The following LPIN2 variants were observed in gnomAD, a reference collection of about 807,000 sequenced individuals.
LPIN2 encodes the protein lipin 2, also known as phosphatidate phosphatase LPIN2.
LPIN2 carries 55 observed loss-of-function variants against 111.4 expected under a neutral mutation model. The observed-to-expected ratio is 0.49, with a 90% CI of 0.40 to 0.62. The LOEUF (loss-of-function observed/expected upper bound fraction) is 0.62, where lower values mean the gene tolerates loss of function less well. LPIN2 is among the 20% of genes least tolerant of loss of function. The pLI, the probability that LPIN2 is intolerant of heterozygous loss-of-function variation, is 0.00. For missense variants in LPIN2, 992 were observed against 1,112.1 expected (o/e 0.89, Z 1.54); for synonymous variants, 425 against 414.0 (o/e 1.03, Z -0.32).
At chr18:3,011,514 C>G (rs946151719) in intron 1 of LPIN2, among the ~76,000 whole-genome samples, 6 of 152,032 alleles carry the variant, frequency 3.9e-5, no homozygotes, top group African/African-American at 1.4e-4. Flanking sequence ...GTGAAACCCC[C>G]GGTCTCTAAT....
rs750622541 is a variant in LPIN2 at position 2,946,533 on chromosome 18, C to T, written c.590+4522G>A. 1.9e-5 allele frequency: 29 copies of T among 1,548,282 alleles called. No individual in the cohort carries two copies. The East Asian group carries it at 6.1e-4, about 32-fold the overall frequency. On this transcript the variant is annotated intron_variant, in intron 4 of 19. Coordinates refer to ENST00000677752, the MANE Select transcript of LPIN2 (RefSeq NM_001375808.2). Reference sequence around the variant, plus strand: ...CAGCTCCGGTTGTAGCACAGCAAGGCCATTTTTTTTCCCACTGTCACAGGC... The same window carrying T: ...CAGCTCCGGTTGTAGCACAGCAAGGTCATTTTTTTTCCCACTGTCACAGGC...
intron 2 of LPIN2, among the ~76,000 whole-genome samples, chr18:2,958,004 T>G (rs1421025612): frequency 6.6e-6 from 1 of 150,754 alleles, no homozygotes; most frequent in Non-Finnish European, 1.5e-5. Context: ...CAGCCAGGCG[T>G]GGTAGCACGC....
chr18:2,998,944 T>C (rs1251787162), intron 1 of LPIN2, among the ~76,000 whole-genome samples: 1 of 152,226 alleles, frequency 6.6e-6, no homozygotes, highest in Admixed American at 6.5e-5. Flanking sequence ...TTCAGGAACA[T>C]GCAGAAATTT....
At chr18:2,970,615 T>C (rs924954709) in intron 1 of LPIN2, among the ~76,000 whole-genome samples, 8 of 152,250 alleles carry the variant, frequency 5.3e-5, no homozygotes, top group African/African-American at 1.9e-4. Context: ...AGATCCTGAC[T>C]GGATAAAGCC....
chr18:2,920,230 C>G lies in LPIN2; in HGVS notation c.*63G>C. ...CTGGTATCTGAGGTCAGCAGAAGAG[C>G]CAGCTGCCTTCCCTTGCTGTGGGGA... On this transcript the variant is annotated 3_prime_UTR_variant, in exon 20 of 20. Coordinates refer to ENST00000677752, the MANE Select transcript of LPIN2 (RefSeq NM_001375808.2). 1 of 1,606,110 alleles carries G rather than the reference C, an allele frequency of 6.2e-7. No homozygotes were observed.
At position 2,984,873 on chromosome 18, in the gene LPIN2, G is replaced by A. The variant is rs545613101; in HGVS notation, c.-9-24024C>T. 3.3e-5 allele frequency among the ~76,000 whole-genome samples: 5 copies of A among 152,190 alleles called. No homozygotes were observed. The South Asian group carries it at 1.0e-3, about 32-fold the overall frequency. The stretch of plus-strand genomic sequence containing the variant: ...AGAGACCAAGAAAGAACATGCTGGG[G>A]ATCAGCAGGAGGAGGCTGACAAGAG... On this transcript the variant is annotated intron_variant, in intron 1 of 19. Coordinates refer to ENST00000677752, the MANE Select transcript of LPIN2 (RefSeq NM_001375808.2).
chr18:2,947,866 T>C (rs1309862687), intron 4 of LPIN2, among the ~76,000 whole-genome samples: 1 of 152,198 alleles, frequency 6.6e-6, no homozygotes, highest in African/African-American at 2.4e-5. Flanking sequence ...ATGCTGTTAA[T>C]GACCGTAAAT....
intron 1 of LPIN2, among the ~76,000 whole-genome samples, chr18:3,004,715 T>C (rs1005739433): frequency 2.0e-5 from 3 of 152,176 alleles, no homozygotes; most frequent in African/African-American, 7.2e-5. Flanking sequence ...CCAACACCTT[T>C]AGTCACCTTC....
chr18:2,992,386 G>T (rs573690581), intron 1 of LPIN2, among the ~76,000 whole-genome samples: 1 of 152,204 alleles, frequency 6.6e-6, no homozygotes, highest in Admixed American at 6.5e-5. Context: ...ATAAAAGGTA[G>T]ATTAGAGGTT....
chr18:2,954,310 T>C (rs2077578659), intron 3 of LPIN2, among the ~76,000 whole-genome samples, 194 bp downstream of exon 3: 1 of 152,246 alleles, frequency 6.6e-6, no homozygotes, highest in Admixed American at 6.5e-5. Flanking sequence ...CCTGAAACTT[T>C]GTATGGAGAA....
At chr18:2,969,862 G>A (rs1044561940) in intron 1 of LPIN2, among the ~76,000 whole-genome samples, 1 of 152,196 alleles carries the variant, frequency 6.6e-6, no homozygotes, top group African/African-American at 2.4e-5. Context: ...GCCTGATTAA[G>A]TTTGTTATGA....
chr18:2,922,397 C>T (rs2144120315), intron 16 of LPIN2, among the ~76,000 whole-genome samples, 198 bp from the exon 17 acceptor site: 1 of 152,058 alleles, frequency 6.6e-6, no homozygotes, highest in African/African-American at 2.4e-5. Context: ...GCCTCAGCCT[C>T]CCAAGTAGCT....
chr18:2,993,215 GAAGA>G (rs1306981324), intron 1 of LPIN2, among the ~76,000 whole-genome samples: 1 of 151,014 alleles, frequency 6.6e-6, no homozygotes, highest in Non-Finnish European at 1.5e-5. Flanking sequence ...GAAGAAAGAA[GAAGA>G]AAGAAGAAAG....
chr18:2,975,010 C>A (rs2077987605), intron 1 of LPIN2, among the ~76,000 whole-genome samples: 1 of 152,124 alleles, frequency 6.6e-6, no homozygotes, highest in Non-Finnish European at 1.5e-5. Context: ...AACAAACAAA[C>A]AAAAATTGTT....
chr18:2,988,019 A>C (rs1238254169), intron 1 of LPIN2, among the ~76,000 whole-genome samples: 1 of 150,182 alleles, frequency 6.7e-6, no homozygotes, highest in Admixed American at 6.6e-5. Context: ...TCTCAAAAAA[A>C]AAAAAAAAAA....
intron 1 of LPIN2, among the ~76,000 whole-genome samples, chr18:3,005,694 C>T (rs2078504428): frequency 6.6e-6 from 1 of 151,340 alleles, no homozygotes; most frequent in African/African-American, 2.4e-5. Context: ...CACACACACA[C>T]ACACACACAC....
intron 1 of LPIN2, among the ~76,000 whole-genome samples, chr18:2,984,415 A>C (rs111309009): frequency 0.01 from 1,551 of 152,242 alleles, 25 homozygotes; most frequent in African/African-American, 0.035. Context: ...TAAAAATTTA[A>C]ATCTCTTCAT....
At chr18:2,999,424 G>A (rs1433259644) in intron 1 of LPIN2, among the ~76,000 whole-genome samples, 18 of 150,750 alleles carry the variant, frequency 1.2e-4, no homozygotes, top group East Asian at 5.8e-4. Context: ...GTGAAACCCC[G>A]TCTCTACTAA....
chr18:2,956,976 G>A (rs1251247768), intron 2 of LPIN2, among the ~76,000 whole-genome samples: 1 of 152,172 alleles, frequency 6.6e-6, no homozygotes, highest in Non-Finnish European at 1.5e-5. Flanking sequence ...CACCAAGTTG[G>A]AACAAATTCT....
Sources: gnomAD v4.1 joint callset for allele counts (sites outside exome capture counted in the v4.1 genomes callset) on GRCh38, gnomAD v4.1.1 for gene constraint, MANE v1.5 for transcripts, NCBI Gene and HGNC (gene_info 2026-07-23, HGNC 2026-07-21) for gene names.